ZIM2: variants seen among roughly 807,000 people sequenced by gnomAD.
The protein encoded by ZIM2 is zinc finger protein 656.
Under a neutral mutation model 38.6 loss-of-function variants are expected in ZIM2, and 14 were observed. That is an observed-to-expected ratio of 0.36 (90% CI 0.24 to 0.57). The LOEUF (loss-of-function observed/expected upper bound fraction) is 0.57. ZIM2 is among the 20% of genes least tolerant of loss of function. The probability of loss-of-function intolerance (pLI) is 0.81; values close to 1 mark genes in which losing one functional copy is unlikely to be tolerated. For missense variants in ZIM2, 680 were observed against 695.1 expected (o/e 0.98, Z 0.24); for synonymous variants, 247 against 245.8 (o/e 1.00, Z -0.04).
At chr19:56,797,239 T>TGGG (rs2047277348) in intron 9 of ZIM2, among the ~76,000 whole-genome samples, 1 of 152,070 alleles carries the variant, frequency 6.6e-6, no homozygotes, top group South Asian at 2.1e-4. Flanking sequence ...TGGCTTGAAC[T>TGGG]CGTGAAGTGC....
intron 6 of ZIM2, among the ~76,000 whole-genome samples, chr19:56,822,208 T>C (rs2146314306): frequency 6.6e-6 from 1 of 152,278 alleles, no homozygotes; most frequent in Middle Eastern, 3.4e-3. Flanking sequence ...TGATCAATTT[T>C]AGGGTGCCCT....
chr19:56,815,665 C>A (rs2059913472), intron 9 of ZIM2: 1 of 1,614,142 alleles, frequency 6.2e-7, no homozygotes, highest in Non-Finnish European at 8.5e-7. Context: ...GACATTTGAG[C>A]TGGGAACAGA....
chr19:56,805,611 CTT>C (rs2047722519), intron 9 of ZIM2, among the ~76,000 whole-genome samples: 1 of 152,286 alleles, frequency 6.6e-6, no homozygotes, highest in African/African-American at 2.4e-5. Flanking sequence ...ATATGGATCT[CTT>C]GTGGGTTAAA....
chr19:56,817,102 A>T, intron 9 of ZIM2: 1 of 1,614,144 alleles, frequency 6.2e-7, no homozygotes, highest in Non-Finnish European at 8.5e-7. Context: ...CATTGCCCCA[A>T]AATCAATTGG....
chr19:56,816,756 G>A (rs769311375), intron 9 of ZIM2: 9 of 1,613,984 alleles, frequency 5.6e-6, no homozygotes, highest in Non-Finnish European at 7.6e-6. Context: ...TGCACTCGTA[G>A]AATTTGTCTT....
At chr19:56,834,029 C>A (rs2061832763) in intron 2 of ZIM2, among the ~76,000 whole-genome samples, 1 of 152,198 alleles carries the variant, frequency 6.6e-6, no homozygotes. Context: ...GAAATAATAT[C>A]TAAGAGTTCA....
chr19:56,835,341 T>C (rs912916713), intron 2 of ZIM2, among the ~76,000 whole-genome samples: 5 of 152,164 alleles, frequency 3.3e-5, no homozygotes, highest in African/African-American at 1.2e-4. Context: ...CTTACCTTCT[T>C]CCTACCTCAA....
rs1476499325 is a variant in ZIM2, at chr19:56,814,330, G to C, written c.490+3416C>G. 4 of 1,612,676 alleles carry C rather than the reference G, an allele frequency of 2.5e-6. No homozygotes were observed. Among genetic ancestry groups the C allele is most frequent in the Non-Finnish European group, 3.4e-6 (4 of 1,179,240 alleles). On this transcript the variant is annotated intron_variant, in intron 9 of 12. Transcript: ENST00000629319. This position sits in a 1 kb window ranked among gnomAD's most constrained non-coding sequence, Gnocchi z 5.8. ...ATGGACATTGGCTTCAACTTCCTGG[G>C]CTGCTGCTGCTGCAGCTGCTGCTGC...
At chr19:56,839,563 G>T (rs2062717359) in intron 1 of ZIM2, among the ~76,000 whole-genome samples, 1 of 150,282 alleles carries the variant, frequency 6.7e-6, no homozygotes, top group Non-Finnish European at 1.5e-5. Flanking sequence ...AAAGCGGGCG[G>T]GGCCTGAGTG....
chr19:56,784,178 T>G (rs2046471916), intron 10 of ZIM2, among the ~76,000 whole-genome samples: 1 of 152,242 alleles, frequency 6.6e-6, no homozygotes, highest in African/African-American at 2.4e-5. Flanking sequence ...TTCTTAAGGC[T>G]GAGCTTTGTA....
intron 10 of ZIM2, among the ~76,000 whole-genome samples, chr19:56,787,777 G>C (rs1279934042): frequency 6.8e-6 from 1 of 146,578 alleles, no homozygotes; most frequent in Non-Finnish European, 1.5e-5. Flanking sequence ...CTTGTTATTG[G>C]TCTATTCAGG....
chr19:56,779,534 ACT>A lies in ZIM2; in HGVS notation c.740-64_740-63del, dbSNP rs2145843809. 2.7e-6 allele frequency: 4 copies of A among 1,500,200 alleles called. 1 individual carries two copies. The Middle Eastern group carries it at 6.9e-4, about 259-fold the overall frequency. The allele number at this position is 1,500,200 out of a possible 1,614,324, so 92.9% of individuals were successfully genotyped here. ...TAACTCCCAACCTTAGGTCCCAAAG[ACT>A]CTGGAATAATAAGGAAGGAACAAAC... On this transcript the variant is annotated intron_variant, in intron 11 of 12. Transcript: ENST00000629319.
intron 2 of ZIM2, among the ~76,000 whole-genome samples, chr19:56,828,684 G>A (rs1449707046): frequency 2.0e-5 from 3 of 152,134 alleles, no homozygotes; most frequent in Admixed American, 2.0e-4. Flanking sequence ...GACAGTTAAT[G>A]TTTGAAATGT....
intron 9 of ZIM2, chr19:56,816,254 C>T (rs748116641): frequency 6.2e-7 from 1 of 1,614,046 alleles, no homozygotes; most frequent in African/African-American, 1.3e-5. Context: ...TTCTGAGATT[C>T]AGTGAATGGC....
At position 56,827,552 on chromosome 19, in the gene ZIM2, G is replaced by A. The variant is rs569257163; in HGVS notation, c.-226-1089C>T. On this transcript the variant is annotated intron_variant, in intron 2 of 12. Transcript: ENST00000629319. Reference sequence around the variant, plus strand: ...TGTTTGTATGCACGGGAAGAAACAAGTACACTCATATACTGCCTGTGGCAA... The same window carrying A: ...TGTTTGTATGCACGGGAAGAAACAAATACACTCATATACTGCCTGTGGCAA... Among the ~76,000 whole-genome samples, 13 of 152,232 alleles carry A rather than the reference G, an allele frequency of 8.5e-5. No homozygotes were observed. The South Asian group carries it at 1.7e-3, about 19-fold the overall frequency.
intron 12 of ZIM2, among the ~76,000 whole-genome samples, chr19:56,776,137 G>C (rs1328091757): frequency 2.7e-5 from 4 of 149,376 alleles, no homozygotes; most frequent in African/African-American, 9.9e-5. Context: ...AAGACAGTAA[G>C]CAAGGAAGAG....
intron 12 of ZIM2, among the ~76,000 whole-genome samples, chr19:56,778,177 A>G (rs1269735215): frequency 6.6e-6 from 1 of 152,200 alleles, no homozygotes; most frequent in South Asian, 2.1e-4. Flanking sequence ...TGCAAGCTCT[A>G]TGAAGGAAGA....
At chr19:56,796,057 A>T (rs2047207992) in intron 9 of ZIM2, among the ~76,000 whole-genome samples, 1 of 152,168 alleles carries the variant, frequency 6.6e-6, no homozygotes, top group South Asian at 2.1e-4. Context: ...ATACGTAACC[A>T]CTGTAACTGA....
intron 9 of ZIM2, chr19:56,813,854 T>C (rs544612182): frequency 1.2e-6 from 2 of 1,614,232 alleles, no homozygotes; most frequent in African/African-American, 1.3e-5. Context: ...AATATGATCA[T>C]GCTGGCATGA....
Sources: gnomAD v4.1 joint callset for allele counts (sites outside exome capture counted in the v4.1 genomes callset) on GRCh38, gnomAD v4.1.1 for gene constraint, Gnocchi (gnomAD v3.1) non-coding constraint, MANE v1.5 for transcripts, NCBI Gene and HGNC (gene_info 2026-07-23, HGNC 2026-07-21) for gene names.